SUCLG2: variants seen among roughly 807,000 people sequenced by gnomAD.
SUCLG2 encodes succinate--CoA ligase [GDP-forming] subunit beta, mitochondrial.
Under a neutral mutation model 47.9 loss-of-function variants are expected in SUCLG2, and 42 were observed. The ratio of observed to expected loss-of-function variants is 0.88; its 90% CI spans 0.69 to 1.14. The LOEUF is 1.14. SUCLG2 is among the 50% of genes most tolerant of loss of function. The pLI is 0.00. For missense variants in SUCLG2, 571 were observed against 525.9 expected (o/e 1.09, Z -0.84); for synonymous variants, 195 against 197.3 (o/e 0.99, Z 0.10).
chr3:67,468,264 T>C (rs1704522142), intron 9 of SUCLG2, among the ~76,000 whole-genome samples: 1 of 152,230 alleles, frequency 6.6e-6, no homozygotes, highest in South Asian at 2.1e-4. Flanking sequence ...GGACCCTGTC[T>C]TCATGAAGGG....
chr3:67,374,973 A>G lies in SUCLG2; in HGVS notation c.*771T>C, dbSNP rs1283384042. The G allele has an allele frequency of 5.1e-6, 5 of 985,722 alleles. No individual in the cohort carries two copies. Among genetic ancestry groups the G allele is most frequent in the Non-Finnish European group, 6.0e-6 (5 of 829,928 alleles). The allele number at this position is 985,722 out of a possible 1,614,324, so 61.1% of individuals were successfully genotyped here. ...ATCTTCAGTGTTGTCTCATCTTGAA[A>G]TATCTTAATAACAGAGATTTCCATA... On this transcript the variant is annotated 3_prime_UTR_variant, in exon 11 of 11. Coordinates refer to ENST00000307227, the MANE Select transcript of SUCLG2 (RefSeq NM_003848.4).
intron 7 of SUCLG2, 115 bp from the exon 8 acceptor site, chr3:67,498,410 C>T (rs1158023233): frequency 1.8e-6 from 2 of 1,139,580 alleles, no homozygotes; most frequent in South Asian, 1.6e-5. Flanking sequence ...TTTTTTTTCA[C>T]ATGTTACAGG....
chr3:67,369,373 G>A (rs1246591472), intron 10 of SUCLG2, among the ~76,000 whole-genome samples: 1 of 152,084 alleles, frequency 6.6e-6, no homozygotes, highest in Non-Finnish European at 1.5e-5. Context: ...ATGCCATGTT[G>A]TTTCTGTTTC....
At chr3:67,550,280 C>A (rs1233559663) in intron 2 of SUCLG2, among the ~76,000 whole-genome samples, 1 of 152,182 alleles carries the variant, frequency 6.6e-6, no homozygotes, top group Non-Finnish European at 1.5e-5. Context: ...CTTGAGGTGT[C>A]CCCCAACACC....
At chr3:67,449,756 G>T (rs538692150) in intron 9 of SUCLG2, among the ~76,000 whole-genome samples, 3 of 152,046 alleles carry the variant, frequency 2.0e-5, no homozygotes, top group African/African-American at 4.8e-5. Context: ...TGGGACTACA[G>T]GTGTGTGCCA....
chr3:67,610,883 G>T (rs1334624274), intron 1 of SUCLG2, among the ~76,000 whole-genome samples: 2 of 152,124 alleles, frequency 1.3e-5, no homozygotes, highest in Non-Finnish European at 2.9e-5. Context: ...TTTGAAATAG[G>T]GTGATTCAAA....
chr3:67,582,411 T>C (rs1707905432), intron 2 of SUCLG2, among the ~76,000 whole-genome samples: 1 of 152,210 alleles, frequency 6.6e-6, no homozygotes, highest in African/African-American at 2.4e-5. Context: ...GATAACGGCT[T>C]CCAGCTCCAT....
Position 67,518,239 on chromosome 3 carries a change from T to G in SUCLG2, c.660+8A>C. ...GTCAGACACACCATCCCCCAATGGC[T>G]TATATACCTGGCTTTTCAAAGGCCC... On this transcript the variant is annotated splice_region_variant and intron_variant, in intron 6 of 10. Transcript: ENST00000307227. 6.2e-7 allele frequency: 1 copy of G among 1,609,552 alleles called. No homozygotes were observed. The highest frequency in any genetic ancestry group is 8.5e-7 in the Non-Finnish European group (1 of 1,177,212).
chr3:67,431,978 G>A (rs1454039248), intron 9 of SUCLG2, among the ~76,000 whole-genome samples: 1 of 152,206 alleles, frequency 6.6e-6, no homozygotes, highest in Non-Finnish European at 1.5e-5. Context: ...TGGAGACCAT[G>A]TTTGTTCTCT....
chr3:67,406,207 A>G (rs575318456), intron 9 of SUCLG2, among the ~76,000 whole-genome samples: 2 of 152,170 alleles, frequency 1.3e-5, no homozygotes, highest in Non-Finnish European at 2.9e-5. Flanking sequence ...ATTCAACATG[A>G]TCCTGAGTCC....
At chr3:67,502,854 T>C (rs1705535375) in intron 7 of SUCLG2, among the ~76,000 whole-genome samples, 1 of 152,214 alleles carries the variant, frequency 6.6e-6, no homozygotes, top group South Asian at 2.1e-4. Flanking sequence ...ATAGTTGGCA[T>C]TTTAGGCATC....
At chr3:67,407,131 T>C (rs1460626342) in intron 9 of SUCLG2, among the ~76,000 whole-genome samples, 2 of 152,182 alleles carry the variant, frequency 1.3e-5, no homozygotes, top group Non-Finnish European at 2.9e-5. Flanking sequence ...AGACAAACAA[T>C]ATATAAGTAA....
At chr3:67,429,421 G>A (rs1049564762) in intron 9 of SUCLG2, among the ~76,000 whole-genome samples, 2 of 152,112 alleles carry the variant, frequency 1.3e-5, no homozygotes, top group Admixed American at 6.6e-5. Context: ...TCACCACCAG[G>A]CCTGTCTTAC....
rs746530194 is a variant in SUCLG2 at position 67,529,194 on chromosome 3, A to G, written c.227-8T>C. 1 of 1,602,572 alleles carries G rather than the reference A, an allele frequency of 6.2e-7. No homozygotes were observed. Among genetic ancestry groups the G allele is most frequent in the South Asian group, 1.1e-5 (1 of 88,460 alleles). ...AAACAATTTCTTTTGCATCTGAAAAAGAAAAATCCAGAGTTGGTAGCTGAT... is the reference window on the plus strand; with the variant it reads ...AAACAATTTCTTTTGCATCTGAAAAGGAAAAATCCAGAGTTGGTAGCTGAT... On this transcript the variant is annotated splice_polypyrimidine_tract_variant and splice_region_variant and intron_variant, in intron 2 of 10. Transcript: ENST00000307227.
intron 2 of SUCLG2, among the ~76,000 whole-genome samples, chr3:67,542,384 T>C (rs981424036): frequency 6.6e-6 from 1 of 152,064 alleles, no homozygotes; most frequent in Non-Finnish European, 1.5e-5. Flanking sequence ...ACATACCAAA[T>C]TGTAAAGACC....
intron 6 of SUCLG2, among the ~76,000 whole-genome samples, chr3:67,512,750 C>T (rs533140862): frequency 1.3e-5 from 2 of 150,800 alleles, no homozygotes; most frequent in African/African-American, 5.0e-5. Flanking sequence ...CTTCATCTTC[C>T]CTCACACTCT....
chr3:67,532,111 TTAACTC>T (rs1323287541), intron 2 of SUCLG2, among the ~76,000 whole-genome samples: 3 of 152,158 alleles, frequency 2.0e-5, no homozygotes, highest in Admixed American at 6.6e-5. Flanking sequence ...GAGGAAAAAA[TTAACTC>T]TAATATGAGT....
intron 2 of SUCLG2, among the ~76,000 whole-genome samples, chr3:67,539,262 G>A (rs1437174504): frequency 2.6e-5 from 4 of 152,124 alleles, no homozygotes; most frequent in African/African-American, 9.7e-5. Flanking sequence ...AGAGTTTTTA[G>A]CACGAACCGG....
intron 2 of SUCLG2, among the ~76,000 whole-genome samples, chr3:67,554,709 G>A (rs1248696962): frequency 2.6e-5 from 4 of 152,144 alleles, no homozygotes; most frequent in African/African-American, 9.7e-5. Context: ...TATAGGGCTG[G>A]AGTTGCAATT....
Sources: allele counts gnomAD v4.1 joint callset (sites outside exome capture counted in the v4.1 genomes callset), GRCh38; gene constraint gnomAD v4.1.1; transcripts MANE v1.5; gene names NCBI Gene and HGNC (gene_info 2026-07-23, HGNC 2026-07-21).